Variants in ARHGAP26 observed in about 807,000 individuals in gnomAD.
ARHGAP26 encodes rho GTPase-activating protein 26.
ARHGAP26 carries 38 observed loss-of-function variants against 104.8 expected under a neutral mutation model. That is an observed-to-expected ratio of 0.36 (90% CI 0.28 to 0.48). ARHGAP26 has a LOEUF of 0.48. ARHGAP26 is among the 20% of genes least tolerant of loss of function. ARHGAP26 has a pLI of 0.99. For synonymous variants in ARHGAP26, 341 were observed against 340.0 expected, an observed-to-expected ratio of 1.00 and a Z score of -0.03; for missense variants, 704 against 947.9, an observed-to-expected ratio of 0.74 and a Z score of 3.38.
chr5:142,948,025 T>G lies in ARHGAP26; in HGVS notation c.1107+15900T>G, dbSNP rs530094845. Among the ~76,000 whole-genome samples the G allele has an allele frequency of 2.0e-5, 3 of 152,232 alleles. No individual in the cohort carries two copies. The East Asian group carries it at 5.8e-4, about 29-fold the overall frequency. On this transcript the variant is annotated intron_variant, in intron 11 of 22. Coordinates refer to ENST00000645722, the MANE Select transcript of ARHGAP26 (RefSeq NM_001135608.3). ...CAGCCTGGGCAACATAATCATACCT[T>G]GTGTCTTAAACAAAACATTTTTTTT...
chr5:142,931,187 C>T (rs1429993424), intron 10 of ARHGAP26, among the ~76,000 whole-genome samples: 1 of 152,200 alleles, frequency 6.6e-6, no homozygotes, highest in Non-Finnish European at 1.5e-5. Flanking sequence ...GAAAAATCCA[C>T]ATACATTTGA....
intron 1 of ARHGAP26, among the ~76,000 whole-genome samples, chr5:142,775,906 G>A (rs1348801896): frequency 2.0e-5 from 3 of 152,060 alleles, no homozygotes; most frequent in Non-Finnish European, 2.9e-5. Context: ...TCATAAAAAT[G>A]TATTTTTTTC....
chr5:142,913,998 G>T (rs1006316754), intron 10 of ARHGAP26, among the ~76,000 whole-genome samples: 5 of 152,204 alleles, frequency 3.3e-5, no homozygotes, highest in African/African-American at 1.2e-4. Flanking sequence ...TGAGCTGCCT[G>T]TTCAAGATCA....
At chr5:142,905,350 G>A (rs1760953972) in intron 8 of ARHGAP26, among the ~76,000 whole-genome samples, 1 of 151,762 alleles carries the variant, frequency 6.6e-6, no homozygotes. Flanking sequence ...ACACTTTTTT[G>A]TTCCCTAACA....
At chr5:142,910,689 A>G (rs1443009118) in intron 9 of ARHGAP26, among the ~76,000 whole-genome samples, 1 of 152,222 alleles carries the variant, frequency 6.6e-6, no homozygotes, top group Non-Finnish European at 1.5e-5. Context: ...CAGTGACCCA[A>G]GATGGCGCCA....
intron 20 of ARHGAP26, among the ~76,000 whole-genome samples, chr5:143,171,507 G>A (rs1802761579): frequency 6.6e-6 from 1 of 152,202 alleles, no homozygotes; most frequent in African/African-American, 2.4e-5. Flanking sequence ...ATCACAAGGA[G>A]GAGAGGGGAG....
intron 14 of ARHGAP26, among the ~76,000 whole-genome samples, chr5:143,045,324 C>T (rs138443467): frequency 2.0e-5 from 3 of 152,332 alleles, no homozygotes; most frequent in Non-Finnish European, 4.4e-5. Flanking sequence ...TGCAAGATGA[C>T]CACAGTGTAA....
intron 1 of ARHGAP26, among the ~76,000 whole-genome samples, chr5:142,802,631 TG>T: frequency 6.6e-6 from 1 of 152,328 alleles, no homozygotes; most frequent in South Asian, 2.1e-4. Context: ...GAAGTGGCTC[TG>T]GAGTGTTTTT....
At chr5:142,817,289 G>A (rs1466019144) in intron 1 of ARHGAP26, among the ~76,000 whole-genome samples, 1 of 152,210 alleles carries the variant, frequency 6.6e-6, no homozygotes, top group Admixed American at 6.5e-5. Flanking sequence ...AAGAGCAGGA[G>A]CAGAGTTGGC....
At chr5:142,940,539 G>A (rs2152558007) in intron 11 of ARHGAP26, among the ~76,000 whole-genome samples, 1 of 152,290 alleles carries the variant, frequency 6.6e-6, no homozygotes, top group Non-Finnish European at 1.5e-5. Context: ...TTATAAGTGA[G>A]AATATGGGAT....
At chr5:142,979,815 G>A (rs1773659776) in intron 11 of ARHGAP26, among the ~76,000 whole-genome samples, 1 of 152,258 alleles carries the variant, frequency 6.6e-6, no homozygotes, top group African/African-American at 2.4e-5. Context: ...TTGTGGGCGT[G>A]CCAGAGGGGA....
intron 17 of ARHGAP26, among the ~76,000 whole-genome samples, chr5:143,074,819 C>A (rs574495644): frequency 1.3e-5 from 2 of 152,376 alleles, no homozygotes; most frequent in South Asian, 4.1e-4. Flanking sequence ...GCTGTTATAT[C>A]ACATGCCTAC....
At chr5:142,872,567 C>T (rs1755469988) in intron 1 of ARHGAP26, among the ~76,000 whole-genome samples, 1 of 152,226 alleles carries the variant, frequency 6.6e-6, no homozygotes. Flanking sequence ...TTGGTGGTTT[C>T]ATACCCTTAA....
chr5:143,178,942 T>A (rs1427961710), intron 20 of ARHGAP26, among the ~76,000 whole-genome samples: 1 of 152,050 alleles, frequency 6.6e-6, no homozygotes, highest in Non-Finnish European at 1.5e-5. Context: ...CAATCTGGGC[T>A]CACTGCAACT....
At chr5:143,095,086 TG>T (rs1562413347) in intron 17 of ARHGAP26, among the ~76,000 whole-genome samples, 1 of 151,800 alleles carries the variant, frequency 6.6e-6, no homozygotes, top group African/African-American at 2.4e-5. Flanking sequence ...TTTTGACTTA[TG>T]GGTTCTAAGA....
intron 17 of ARHGAP26, among the ~76,000 whole-genome samples, chr5:143,065,951 A>C (rs143851317): frequency 1.3e-5 from 2 of 152,310 alleles, no homozygotes; most frequent in African/African-American, 2.4e-5. Context: ...TGCTTGAACC[A>C]GGTGGGGTCT....
At chr5:142,862,150 G>C (rs1753476621) in intron 1 of ARHGAP26, among the ~76,000 whole-genome samples, 1 of 152,202 alleles carries the variant, frequency 6.6e-6, no homozygotes, top group African/African-American at 2.4e-5. Context: ...GGATTACAGG[G>C]AGGTGACAGG....
At chr5:143,010,403 T>G (rs1778573577) in intron 11 of ARHGAP26, among the ~76,000 whole-genome samples, 1 of 152,190 alleles carries the variant, frequency 6.6e-6, no homozygotes, top group Non-Finnish European at 1.5e-5. Context: ...ATATGGTGGT[T>G]GCAAGGATTA....
chr5:143,143,930 C>G (rs1599216017), intron 19 of ARHGAP26, among the ~76,000 whole-genome samples: 1 of 152,176 alleles, frequency 6.6e-6, no homozygotes, highest in East Asian at 1.9e-4. Flanking sequence ...TTATCATGTT[C>G]TTGTTGCTGA....
Sources: gnomAD v4.1 joint callset for allele counts (sites outside exome capture counted in the v4.1 genomes callset) on GRCh38, gnomAD v4.1.1 for gene constraint, MANE v1.5 for transcripts, NCBI Gene and HGNC (gene_info 2026-07-23, HGNC 2026-07-21) for gene names.